SLC24A3: variants seen among roughly 807,000 people sequenced by gnomAD.
SLC24A3 encodes the protein sodium/potassium/calcium exchanger 3.
Under a neutral mutation model 75.8 loss-of-function variants are expected in SLC24A3, and 28 were observed. The observed-to-expected ratio is 0.37, with a 90% CI of 0.27 to 0.51. The LOEUF (loss-of-function observed/expected upper bound fraction) is 0.51. SLC24A3 is among the 20% of genes least tolerant of loss of function. SLC24A3 has a pLI of 0.94. For missense variants in SLC24A3, 663 were observed against 847.8 expected, an observed-to-expected ratio of 0.78 and a Z score of 2.71; for synonymous variants, 372 against 334.1, an observed-to-expected ratio of 1.11 and a Z score of -1.24.
intron 1 of SLC24A3, among the ~76,000 whole-genome samples, chr20:19,268,967 A>G (rs1600402329): frequency 1.3e-5 from 2 of 152,294 alleles, no homozygotes; most frequent in East Asian, 3.9e-4. Context: ...AGGCCATTGC[A>G]CTTTCCTTTG....
chr20:19,668,027 T>TG (rs1222869588), intron 8 of SLC24A3, among the ~76,000 whole-genome samples: 1 of 152,118 alleles, frequency 6.6e-6, no homozygotes, highest in African/African-American at 2.4e-5. Context: ...TTGATCTATC[T>TG]GGGGGGCATT....
chr20:19,654,054 T>A lies in SLC24A3; in HGVS notation c.613-8T>A. 6.2e-7 allele frequency: 1 copy of A among 1,610,220 alleles called. No individual in the cohort carries two copies. Among genetic ancestry groups the A allele is most frequent in the Non-Finnish European group, 8.5e-7 (1 of 1,176,480 alleles). On this transcript the variant is annotated splice_polypyrimidine_tract_variant and splice_region_variant and intron_variant, in intron 6 of 16. Transcript: ENST00000328041. The stretch of plus-strand genomic sequence containing the variant: ...ATCCTGTTTGACTTTGTTTCCCTTG[T>A]CCTGCAGGTTGTGGCTCTTTCCTCC...
intron 2 of SLC24A3, among the ~76,000 whole-genome samples, chr20:19,431,306 G>A (rs1330777803): frequency 1.3e-5 from 2 of 151,526 alleles, no homozygotes; most frequent in Non-Finnish European, 2.9e-5. Flanking sequence ...CTGGGGGAGG[G>A]TTGGGAGGGG....
rs1359000301 is a variant in SLC24A3 at position 19,696,908 on chromosome 20, C to A, written c.1603C>A (p.Gln535Lys). 1.4e-6 allele frequency: 2 copies of A among 1,391,940 alleles called. No individual in the cohort carries two copies. Among genetic ancestry groups the A allele is most frequent in the Non-Finnish European group, 1.9e-6 (2 of 1,042,918 alleles). 86.2% of individuals were successfully genotyped at this position (1,391,940 alleles called of 1,614,324 possible). Reference sequence around the variant, plus strand: ...CATGGCCAGCCTCATTGTGGCCAGACAAGGTGGGACTTCCAGTGGCAATGG... The same window carrying A: ...CATGGCCAGCCTCATTGTGGCCAGAAAAGGTGGGACTTCCAGTGGCAATGG... ...DCMASLIVAR[Q>K]GMGDMAVSNS... Residue 535 changes from glutamine (Q) to lysine (K), a missense_variant, in exon 14 of 17, where the codon CAA becomes AAA. This residue lies in a region of SLC24A3 where 510 missense variants were observed against 703.6 expected (regional missense o/e 0.72). Transcript: ENST00000328041.
At chr20:19,412,779 C>G (rs1986769211) in intron 2 of SLC24A3, among the ~76,000 whole-genome samples, 1 of 152,132 alleles carries the variant, frequency 6.6e-6, no homozygotes, top group East Asian at 1.9e-4. Flanking sequence ...TTTCTCATGG[C>G]CTGAATCACT....
intron 2 of SLC24A3, among the ~76,000 whole-genome samples, chr20:19,489,367 T>C (rs1453605447): frequency 6.6e-6 from 1 of 152,172 alleles, no homozygotes; most frequent in African/African-American, 2.4e-5. Context: ...CATTTTATTG[T>C]GTGTTATTTT....
At chr20:19,284,254 A>C (rs1983746104) in intron 2 of SLC24A3, 1 of 152,696 alleles carries the variant, frequency 6.5e-6, no homozygotes, top group South Asian at 2.1e-4. Context: ...TCATTTTAAT[A>C]ATATTCATCT....
At chr20:19,550,413 AGAAGG>A (rs2030672294) in intron 3 of SLC24A3, among the ~76,000 whole-genome samples, 1 of 152,208 alleles carries the variant, frequency 6.6e-6, no homozygotes, top group African/African-American at 2.4e-5. Context: ...TCTCAAAGAG[AGAAGG>A]GGAGACCCAA....
chr20:19,293,600 G>A (rs1466410276), intron 2 of SLC24A3, among the ~76,000 whole-genome samples: 1 of 148,052 alleles, frequency 6.8e-6, no homozygotes, highest in African/African-American at 2.5e-5. Context: ...AGGTTGCAGT[G>A]AGCCGAGATG....
chr20:19,721,456 G>A lies in SLC24A3; in HGVS notation c.*316G>A. On this transcript the variant is annotated 3_prime_UTR_variant, in exon 17 of 17. Transcript: ENST00000328041. ...CTGGCTGCTAACTGGCCTGAGCCAGGCAACACTGATTCCAATCCCTCCTCC... is the reference window on the plus strand; with the variant it reads ...CTGGCTGCTAACTGGCCTGAGCCAGACAACACTGATTCCAATCCCTCCTCC... 1 of 285,746 alleles carries A rather than the reference G, an allele frequency of 3.5e-6. No individual in the cohort carries two copies. 17.7% of individuals were successfully genotyped at this position (285,746 alleles called of 1,614,324 possible). A position where few individuals can be genotyped will look rare whatever the true frequency, so the allele number is the denominator to read the frequency against.
chr20:19,325,793 TATAGAGAGAGAGAG>T (rs1365055109), intron 2 of SLC24A3, among the ~76,000 whole-genome samples: 4 of 82,806 alleles, frequency 4.8e-5, no homozygotes, highest in South Asian at 4.9e-4. Context: ...TATATATATA[TATAGAGAGAGAGAG>T]AGAGAGAGAG....
At chr20:19,392,624 G>A (rs543048741) in intron 2 of SLC24A3, among the ~76,000 whole-genome samples, 1 of 152,194 alleles carries the variant, frequency 6.6e-6, no homozygotes, top group Non-Finnish European at 1.5e-5. Flanking sequence ...TAATGATATT[G>A]TAAGATTATT....
intron 2 of SLC24A3, among the ~76,000 whole-genome samples, chr20:19,407,388 A>G (rs1986666838): frequency 6.6e-6 from 1 of 152,138 alleles, no homozygotes; most frequent in East Asian, 1.9e-4. Context: ...GTGAGTTGAG[A>G]ACGGGGCAGG....
intron 2 of SLC24A3, among the ~76,000 whole-genome samples, chr20:19,460,108 C>A (rs1987644141): frequency 1.3e-5 from 2 of 152,186 alleles, no homozygotes; most frequent in Non-Finnish European, 2.9e-5. Context: ...AGGGAGGCAC[C>A]TGCTCTCAGA....
At chr20:19,451,632 A>T (rs996231481) in intron 2 of SLC24A3, among the ~76,000 whole-genome samples, 6 of 152,222 alleles carry the variant, frequency 3.9e-5, no homozygotes, top group Non-Finnish European at 8.8e-5. Context: ...GATGTTTTGA[A>T]TGTTGGCTGC....
chr20:19,431,745 C>A (rs1987107855), intron 2 of SLC24A3, among the ~76,000 whole-genome samples: 1 of 151,074 alleles, frequency 6.6e-6, no homozygotes, highest in South Asian at 2.1e-4. Context: ...TAAATTCATT[C>A]AAATAATAAC....
chr20:19,349,743 C>G (rs1485744180), intron 2 of SLC24A3, among the ~76,000 whole-genome samples: 1 of 152,158 alleles, frequency 6.6e-6, no homozygotes, highest in East Asian at 1.9e-4. Context: ...TATTCCCTAT[C>G]CCTTTCTCCT....
chr20:19,279,073 T>A (rs1983577133), intron 1 of SLC24A3, among the ~76,000 whole-genome samples: 1 of 152,224 alleles, frequency 6.6e-6, no homozygotes, highest in African/African-American at 2.4e-5. Context: ...ATGTCCACAC[T>A]CTCCTTCTTT....
chr20:19,556,392 G>T (rs2030784090), intron 3 of SLC24A3, among the ~76,000 whole-genome samples: 1 of 151,996 alleles, frequency 6.6e-6, no homozygotes, highest in Non-Finnish European at 1.5e-5. Context: ...TTATTAAATT[G>T]TCCTCTCTCC....
Sources: gnomAD v4.1 joint callset for allele counts (sites outside exome capture counted in the v4.1 genomes callset) on GRCh38, gnomAD v4.1.1 for gene constraint, gnomAD v4.1.1 regional missense constraint, MANE v1.5 for transcripts, NCBI Gene and HGNC (gene_info 2026-07-23, HGNC 2026-07-21) for gene names.